NELL1: variants seen among roughly 807,000 people sequenced by gnomAD.
NELL1 encodes the protein protein kinase C-binding protein NELL1.
Under a neutral mutation model 107.4 loss-of-function variants are expected in NELL1, and 76 were observed. The observed-to-expected ratio is 0.71, with a 90% CI of 0.59 to 0.86. The LOEUF (loss-of-function observed/expected upper bound fraction) is 0.86, where lower values mean the gene tolerates loss of function less well. Among genes scored for constraint, NELL1 ranks in the 40% least tolerant of loss-of-function variants. The probability of loss-of-function intolerance (pLI) is 0.00; values close to 1 mark genes in which losing one functional copy is unlikely to be tolerated. For synonymous variants in NELL1, 353 were observed against 341.2 expected, an observed-to-expected ratio of 1.03 and a Z score of -0.38; for missense variants, 1,024 against 1,005.5, an observed-to-expected ratio of 1.02 and a Z score of -0.25.
chr11:20,917,292 A>C (rs1016872553), intron 5 of NELL1, among the ~76,000 whole-genome samples: 4 of 151,916 alleles, frequency 2.6e-5, no homozygotes, highest in African/African-American at 4.8e-5. Context: ...TGATCCTGTT[A>C]TTTCTATTAA....
intron 15 of NELL1, among the ~76,000 whole-genome samples, chr11:21,451,407 AG>A (rs1853582624): frequency 1.3e-5 from 2 of 152,092 alleles, no homozygotes; most frequent in Non-Finnish European, 2.9e-5. Context: ...ATTAAGTGTT[AG>A]ATTTAGTCTC....
At chr11:21,381,215 A>G (rs1456180409) in intron 15 of NELL1, among the ~76,000 whole-genome samples, 4 of 152,058 alleles carry the variant, frequency 2.6e-5, no homozygotes, top group Non-Finnish European at 5.9e-5. Flanking sequence ...GTAATGAGCC[A>G]TAATCTCTTA....
intron 16 of NELL1, among the ~76,000 whole-genome samples, chr11:21,543,262 G>C (rs1024965193): frequency 3.3e-5 from 5 of 152,074 alleles, no homozygotes; most frequent in African/African-American, 1.2e-4. Context: ...TTTACACACA[G>C]TTTTATCAAA....
At chr11:21,242,457 A>G (rs905940759) in intron 14 of NELL1, among the ~76,000 whole-genome samples, 6 of 152,104 alleles carry the variant, frequency 3.9e-5, no homozygotes, top group African/African-American at 1.2e-4. Context: ...GAACAATAAA[A>G]CAGAAGCTAT....
At chr11:21,127,718 C>G (rs1158894025) in intron 13 of NELL1, among the ~76,000 whole-genome samples, 2 of 152,126 alleles carry the variant, frequency 1.3e-5, no homozygotes, top group Non-Finnish European at 2.9e-5. Context: ...TATCTTATGT[C>G]TGTTTTCAAT....
intron 12 of NELL1, among the ~76,000 whole-genome samples, chr11:21,061,769 C>A (rs1447395960): frequency 6.6e-6 from 1 of 152,160 alleles, no homozygotes; most frequent in Non-Finnish European, 1.5e-5. Flanking sequence ...CTCCAGAGAA[C>A]TGGAGGTGGG....
chr11:21,333,007 A>C (rs994838559), intron 14 of NELL1, among the ~76,000 whole-genome samples: 19 of 152,058 alleles, frequency 1.2e-4, no homozygotes, highest in African/African-American at 4.6e-4. Flanking sequence ...CAATAAGTGC[A>C]TATCACAGGA....
At chr11:20,845,639 A>C (rs957867316) in intron 3 of NELL1, among the ~76,000 whole-genome samples, 3 of 152,188 alleles carry the variant, frequency 2.0e-5, no homozygotes, top group Non-Finnish European at 4.4e-5. Flanking sequence ...GATCATCTAT[A>C]AAATAGGGAT....
At chr11:21,089,729 G>C (rs1051196400) in intron 12 of NELL1, among the ~76,000 whole-genome samples, 1 of 152,124 alleles carries the variant, frequency 6.6e-6, no homozygotes, top group Non-Finnish European at 1.5e-5. Flanking sequence ...CATTCTATAG[G>C]GTGCGATTTT....
At chr11:21,010,210 C>T (rs1852417254) in intron 12 of NELL1, among the ~76,000 whole-genome samples, 1 of 152,068 alleles carries the variant, frequency 6.6e-6, no homozygotes, top group South Asian at 2.1e-4. Flanking sequence ...CCTCCCTATT[C>T]CTCCCCTAAG....
chr11:21,136,299 G>A (rs1419377844), intron 13 of NELL1, among the ~76,000 whole-genome samples: 2 of 152,166 alleles, frequency 1.3e-5, no homozygotes, highest in East Asian at 3.9e-4. Flanking sequence ...AGGGGGGTGG[G>A]TAATGAGGTT....
At chr11:20,835,322 G>A (rs1848514515) in intron 3 of NELL1, among the ~76,000 whole-genome samples, 1 of 150,992 alleles carries the variant, frequency 6.6e-6, no homozygotes, top group Non-Finnish European at 1.5e-5. Flanking sequence ...TATTAAGTAA[G>A]TGCTTGTTGC....
intron 14 of NELL1, among the ~76,000 whole-genome samples, chr11:21,337,549 C>T (rs1295490489): frequency 6.6e-6 from 1 of 152,246 alleles, no homozygotes; most frequent in African/African-American, 2.4e-5. Flanking sequence ...CCTGTCACTT[C>T]TGCTCATAGC....
Position 21,093,486 on chromosome 11 carries a change from T to G in NELL1, c.1301-20103T>G, listed in dbSNP as rs558734223. On this transcript the variant is annotated intron_variant, in intron 12 of 19. Transcript: ENST00000357134. The stretch of plus-strand genomic sequence containing the variant: ...ATACACTGCCAGGTTCGTCAGGCCT[T>G]TCATATTGCCTCAGATCCTCTCCTG... 1.1e-4 allele frequency among the ~76,000 whole-genome samples: 17 copies of G among 152,286 alleles called. No homozygotes were observed. In the South Asian group the frequency reaches 3.5e-3, roughly 32 times the overall value.
At chr11:21,425,911 A>C (rs550790146) in intron 15 of NELL1, among the ~76,000 whole-genome samples, 1 of 152,298 alleles carries the variant, frequency 6.6e-6, no homozygotes, top group East Asian at 1.9e-4. Flanking sequence ...AAAATCAAGA[A>C]ACGAGCAGTA....
At chr11:20,913,345 G>T (rs983976055) in intron 5 of NELL1, among the ~76,000 whole-genome samples, 1 of 152,080 alleles carries the variant, frequency 6.6e-6, no homozygotes, top group Non-Finnish European at 1.5e-5. Context: ...AAATAAGAGC[G>T]TTAAAAAAGA....
intron 3 of NELL1, among the ~76,000 whole-genome samples, chr11:20,785,734 T>G (rs1247385560): frequency 2.6e-5 from 4 of 152,224 alleles, no homozygotes; most frequent in African/African-American, 9.6e-5. Context: ...TTTCCTTGTC[T>G]GTAAAATGTG....
chr11:20,784,289 G>C (rs1590290816), intron 3 of NELL1, among the ~76,000 whole-genome samples: 1 of 152,174 alleles, frequency 6.6e-6, no homozygotes. Flanking sequence ...AATGCCAGAA[G>C]GTTGTAATCA....
rs532396097 is a variant in NELL1, at chr11:21,309,422, T to A, written c.1550-61431T>A. Among the ~76,000 whole-genome samples, 101 of 151,164 alleles carry A rather than the reference T, an allele frequency of 6.7e-4. No homozygotes were observed. The South Asian group carries it at 0.013, about 20-fold the overall frequency. On this transcript the variant is annotated intron_variant, in intron 14 of 19. Transcript: ENST00000357134. ...TATTATTCAAACTCTACTTCCACAATAAGAAATGATGTGAAAACAAATATT... is the reference window on the plus strand; with the variant it reads ...TATTATTCAAACTCTACTTCCACAAAAAGAAATGATGTGAAAACAAATATT...
Sources: gnomAD v4.1 joint callset for allele counts (sites outside exome capture counted in the v4.1 genomes callset) on GRCh38, gnomAD v4.1.1 for gene constraint, MANE v1.5 for transcripts, NCBI Gene and HGNC (gene_info 2026-07-23, HGNC 2026-07-21) for gene names.